The following FLNB variants were observed in gnomAD, a reference collection of about 807,000 sequenced individuals.
The protein encoded by FLNB is filamin-B.
FLNB carries 111 observed loss-of-function variants against 250.6 expected under a neutral mutation model. The observed-to-expected ratio is 0.44, with a 90% CI of 0.38 to 0.52. The LOEUF is 0.52. Ranked by LOEUF, FLNB falls within the 20% of genes least tolerant of loss-of-function variation. The probability of loss-of-function intolerance (pLI) is 0.00; values close to 1 mark genes in which losing one functional copy is unlikely to be tolerated. For missense variants in FLNB, 2,869 were observed against 3,447.8 expected (o/e 0.83, Z 4.20); for synonymous variants, 1,302 against 1,372.1 (o/e 0.95, Z 1.13).
rs76240547 is a variant in FLNB at position 58,030,466 on chromosome 3, T to C, written c.292+21610T>C. Among the ~76,000 whole-genome samples, 877 of 152,278 alleles carry C rather than the reference T, an allele frequency of 5.8e-3. 9 individuals carry two copies. The highest frequency in any genetic ancestry group is 0.02 in the African/African-American group (827 of 41,572). On this transcript the variant is annotated intron_variant, in intron 1 of 45. Transcript: ENST00000295956. Reference sequence around the variant, plus strand: ...CTGTGGTTTACCATAGTAGAGTTCCTGTGAGAACTCCACTCTGACCAATCA... The same window carrying C: ...CTGTGGTTTACCATAGTAGAGTTCCCGTGAGAACTCCACTCTGACCAATCA...
chr3:58,052,819 C>A (rs2033740), intron 1 of FLNB, among the ~76,000 whole-genome samples: 55,135 of 152,070 alleles, frequency 0.36, 10,208 homozygotes, highest in South Asian at 0.53. Flanking sequence ...GTGTAAAGGG[C>A]ATGCCCTGCC....
At chr3:58,098,029 T>C (rs764386213) in intron 7 of FLNB, 52 bp downstream of exon 7, 1 of 1,583,238 alleles carries the variant, frequency 6.3e-7, no homozygotes, top group East Asian at 2.2e-5. Flanking sequence ...TTCCAGAGGC[T>C]GAAATATAAT....
chr3:58,027,478 C>T (rs911115287), intron 1 of FLNB, among the ~76,000 whole-genome samples: 1 of 152,056 alleles, frequency 6.6e-6, no homozygotes, highest in African/African-American at 2.4e-5. Context: ...AACGAGGTTT[C>T]ACCATGTTGG....
At chr3:58,106,122 AT>A (rs917913734) in intron 11 of FLNB, among the ~76,000 whole-genome samples, 15 of 152,020 alleles carry the variant, frequency 9.9e-5, no homozygotes, top group Non-Finnish European at 2.1e-4. Flanking sequence ...GTATGGCTCT[AT>A]CCATTGTCAG....
In FLNB at chr3:58,121,455, C is replaced by T. The variant is rs147267045; in HGVS notation, c.3078C>T (p.Pro1026=). ...VDVTYDGHPV[P]GSPYTVEASL... ...TGACCTACGATGGACACCCTGTGCC[C>T]GGGAGCCCCTACACAGTGGAGGCCT... is the stretch of plus-strand genomic sequence containing the variant. Residue 1026 remains proline, a synonymous_variant, in exon 20 of 46, where the codon CCC becomes CCT. Transcript: ENST00000295956. 1,466 of 1,614,110 alleles carry T rather than the reference C, an allele frequency of 9.1e-4. 7 individuals carry two copies. The African/African-American group carries it at 0.014, about 15-fold the overall frequency.
At chr3:58,143,885 T>A (rs2097331421) in intron 32 of FLNB, among the ~76,000 whole-genome samples, 1 of 151,882 alleles carries the variant, frequency 6.6e-6, no homozygotes, top group Non-Finnish European at 1.5e-5. Flanking sequence ...TGGCCAGAGG[T>A]CAAGCTGGGA....
chr3:58,094,357 C>T (rs549487871), intron 4 of FLNB, among the ~76,000 whole-genome samples: 14 of 152,320 alleles, frequency 9.2e-5, no homozygotes, highest in South Asian at 4.1e-4. Context: ...CATGAGCCAC[C>T]GCTCCCAGCA....
At chr3:58,083,738 C>T (rs1251789036) in intron 4 of FLNB, among the ~76,000 whole-genome samples, 3 of 152,072 alleles carry the variant, frequency 2.0e-5, no homozygotes, top group Non-Finnish European at 1.5e-5. Context: ...TGATTTAGAC[C>T]GGCAGATAGT....
chr3:58,140,179 C>T (rs138569240), intron 29 of FLNB, among the ~76,000 whole-genome samples: 70 of 152,208 alleles, frequency 4.6e-4, no homozygotes, highest in African/African-American at 1.4e-3. Flanking sequence ...ATAAGTTTGA[C>T]GCCAAAAAAG....
rs1041094804 is a variant in FLNB at position 58,133,406 on chromosome 3, G to A, written c.4514+475G>A. Among the ~76,000 whole-genome samples the A allele has an allele frequency of 2.9e-5, 4 of 139,146 alleles. No individual in the cohort carries two copies. In the East Asian group the frequency reaches 6.7e-4, roughly 23 times the overall value. 91.3% of individuals were successfully genotyped at this position (139,146 alleles called of 152,430 possible). A position where few individuals can be genotyped will look rare whatever the true frequency, so the allele number is the denominator to read the frequency against. On this transcript the variant is annotated intron_variant, in intron 26 of 45. Coordinates refer to ENST00000295956, the MANE Select transcript of FLNB (RefSeq NM_001457.4). Reference sequence around the variant, plus strand: ...GAGCCCAAGAGTTTGAGGCCAGCCTGGGCAACATAGACCCTCCCCTGACAT... The same window carrying A: ...GAGCCCAAGAGTTTGAGGCCAGCCTAGGCAACATAGACCCTCCCCTGACAT...
intron 33 of FLNB, chr3:58,146,539 A>C (rs2097336068): frequency 4.3e-6 from 2 of 464,200 alleles, no homozygotes; most frequent in African/African-American, 3.9e-5. Flanking sequence ...ATTGATGTAC[A>C]CGGCTCCTTC....
At chr3:58,061,407 A>G (rs1175789205) in intron 1 of FLNB, among the ~76,000 whole-genome samples, 1 of 151,936 alleles carries the variant, frequency 6.6e-6, no homozygotes, top group African/African-American at 2.4e-5. Context: ...TCTTTTTTTG[A>G]TGATGTATGT....
At chr3:58,143,902 TG>T (rs766691896) in intron 32 of FLNB, among the ~76,000 whole-genome samples, 10 of 151,922 alleles carry the variant, frequency 6.6e-5, no homozygotes, top group African/African-American at 1.2e-4. Flanking sequence ...GGGAGAAAAA[TG>T]GGAGGCATGG....
chr3:58,009,333 C>G (rs1445174511), intron 1 of FLNB, among the ~76,000 whole-genome samples: 1 of 152,276 alleles, frequency 6.6e-6, no homozygotes, highest in South Asian at 2.1e-4. Flanking sequence ...GAGGAGGAAC[C>G]GTTCTCTGCG....
intron 4 of FLNB, among the ~76,000 whole-genome samples, chr3:58,085,335 G>A (rs1056465866): frequency 1.3e-5 from 2 of 152,232 alleles, no homozygotes; most frequent in African/African-American, 2.4e-5. Flanking sequence ...GGGTGGGGCT[G>A]TGAGATATGT....
chr3:58,064,399 TG>T (rs999396779), intron 1 of FLNB, among the ~76,000 whole-genome samples: 1 of 152,076 alleles, frequency 6.6e-6, no homozygotes, highest in African/African-American at 2.4e-5. Flanking sequence ...TGATTTCAGG[TG>T]ATCTACCTGC....
At chr3:58,027,298 G>A (rs373763507) in intron 1 of FLNB, among the ~76,000 whole-genome samples, 26 of 148,344 alleles carry the variant, frequency 1.8e-4, no homozygotes, top group African/African-American at 5.5e-4. Flanking sequence ...GATTACAGGC[G>A]TGCACCACTA....
intron 13 of FLNB, among the ~76,000 whole-genome samples, 181 bp from the exon 14 acceptor site, chr3:58,108,998 G>A (rs866772738): frequency 3.9e-5 from 6 of 152,210 alleles, no homozygotes; most frequent in Non-Finnish European, 7.3e-5. Context: ...ATAAATAAAT[G>A]CATGTCATAT....
intron 1 of FLNB, among the ~76,000 whole-genome samples, chr3:58,042,502 C>T (rs1297616836): frequency 6.6e-6 from 1 of 151,920 alleles, no homozygotes; most frequent in Non-Finnish European, 1.5e-5. Flanking sequence ...GCATGTGCCA[C>T]CATGCCCAGC....
Sources: gnomAD v4.1 joint callset for allele counts (sites outside exome capture counted in the v4.1 genomes callset) on GRCh38, gnomAD v4.1.1 for gene constraint, MANE v1.5 for transcripts, NCBI Gene and HGNC (gene_info 2026-07-23, HGNC 2026-07-21) for gene names.